The following UNC5D variants were observed in gnomAD, a reference collection of about 807,000 sequenced individuals.
UNC5D encodes the protein netrin receptor UNC5D.
A neutral mutation model predicts 105.4 loss-of-function variants in UNC5D; 39 were observed. That is an observed-to-expected ratio of 0.37 (90% CI 0.29 to 0.48). The LOEUF is 0.48. UNC5D is among the 20% of genes least tolerant of loss of function. The pLI is 0.98. For synonymous variants in UNC5D, 452 were observed against 450.4 expected (o/e 1.00, Z -0.04); for missense variants, 991 against 1,202.4 (o/e 0.82, Z 2.60).
intron 1 of UNC5D, among the ~76,000 whole-genome samples, chr8:35,522,163 A>T (rs1813531552): frequency 6.6e-6 from 1 of 152,092 alleles, no homozygotes; most frequent in Non-Finnish European, 1.5e-5. Flanking sequence ...TAACATTTAT[A>T]TTTTTTTATT....
At chr8:35,333,478 G>A (rs189298394) in intron 1 of UNC5D, among the ~76,000 whole-genome samples, 198 of 152,038 alleles carry the variant, frequency 1.3e-3, no homozygotes, top group Admixed American at 2.2e-3. Flanking sequence ...TAGGTTTCTC[G>A]GAAGTAGGAG....
intron 15 of UNC5D, among the ~76,000 whole-genome samples, chr8:35,769,952 C>G (rs2131723713): frequency 6.6e-6 from 1 of 152,120 alleles, no homozygotes; most frequent in African/African-American, 2.4e-5. Flanking sequence ...GACAGAGACT[C>G]TGTCTCAAAA....
chr8:35,430,380 T>G (rs1313363158), intron 1 of UNC5D, among the ~76,000 whole-genome samples: 1 of 152,166 alleles, frequency 6.6e-6, no homozygotes, highest in African/African-American at 2.4e-5. Context: ...CCTGTGCATC[T>G]GTTTATCTGT....
At chr8:35,601,664 T>C (rs1251284057) in intron 4 of UNC5D, among the ~76,000 whole-genome samples, 2 of 152,240 alleles carry the variant, frequency 1.3e-5, no homozygotes, top group Non-Finnish European at 2.9e-5. Context: ...CCTGAGACTT[T>C]GCTGAAGTTG....
At chr8:35,619,638 G>T (rs1450885628) in intron 4 of UNC5D, among the ~76,000 whole-genome samples, 2 of 152,202 alleles carry the variant, frequency 1.3e-5, no homozygotes, top group Admixed American at 6.5e-5. Flanking sequence ...TGGGCAGCTG[G>T]TCAGAAGTTA....
At chr8:35,607,774 T>G (rs1820403675) in intron 4 of UNC5D, among the ~76,000 whole-genome samples, 1 of 152,072 alleles carries the variant, frequency 6.6e-6, no homozygotes, top group African/African-American at 2.4e-5. Flanking sequence ...GTACCTTGCT[T>G]CCCCTTCTTC....
chr8:35,535,685 A>G (rs1223738310), intron 1 of UNC5D, among the ~76,000 whole-genome samples: 3 of 152,146 alleles, frequency 2.0e-5, no homozygotes, highest in Non-Finnish European at 4.4e-5. Flanking sequence ...GCCATTGTGT[A>G]GACTGGGCTC....
intron 1 of UNC5D, among the ~76,000 whole-genome samples, chr8:35,259,283 G>T (rs1804283839): frequency 6.6e-6 from 1 of 152,172 alleles, no homozygotes; most frequent in Admixed American, 6.5e-5. Flanking sequence ...GAGAGGAGGT[G>T]GTTGGCAGTG....
At chr8:35,484,906 A>G (rs2130024280) in intron 1 of UNC5D, among the ~76,000 whole-genome samples, 1 of 152,336 alleles carries the variant, frequency 6.6e-6, no homozygotes, top group Non-Finnish European at 1.5e-5. Flanking sequence ...TGATGTAACA[A>G]GCAGAGCCAA....
intron 9 of UNC5D, chr8:35,724,062 A>C (rs1036782607): frequency 4.0e-6 from 5 of 1,265,584 alleles, no homozygotes; most frequent in African/African-American, 1.5e-5. Flanking sequence ...CTCTTACCCT[A>C]GTACAGGATG....
In UNC5D at chr8:35,375,845, G is replaced by A. The variant is rs894885373; in HGVS notation, c.103+139958G>A. On this transcript the variant is annotated intron_variant, in intron 1 of 16. Transcript: ENST00000404895. Reference sequence around the variant, plus strand: ...TAATCCCTTTTGTGTTAGAGCCCAGGGCAGTGCTTGGAATCCCAAGTGCTG... The same window carrying A: ...TAATCCCTTTTGTGTTAGAGCCCAGAGCAGTGCTTGGAATCCCAAGTGCTG... 6.6e-5 allele frequency among the ~76,000 whole-genome samples: 10 copies of A among 152,178 alleles called. No individual in the cohort carries two copies. The East Asian group carries it at 1.9e-3, about 29-fold the overall frequency.
In UNC5D at chr8:35,556,389, A is replaced by G. The variant is rs147971689; in HGVS notation, c.322+6879A>G. On this transcript the variant is annotated intron_variant, in intron 2 of 16. Coordinates refer to ENST00000404895, the MANE Select transcript of UNC5D (RefSeq NM_080872.4). ...GTCATTCAGGTCGCATTGTGTGTCTATGTTACCCTCAGAGTCCATGGCAGT... is the reference window on the plus strand; with the variant it reads ...GTCATTCAGGTCGCATTGTGTGTCTGTGTTACCCTCAGAGTCCATGGCAGT... 3.5e-3 allele frequency among the ~76,000 whole-genome samples: 536 copies of G among 152,200 alleles called. 4 individuals carry two copies. The highest frequency in any genetic ancestry group is 0.012 in the African/African-American group (499 of 41,528).
intron 16 of UNC5D, among the ~76,000 whole-genome samples, chr8:35,780,966 C>T (rs555033400): frequency 3.9e-5 from 6 of 152,190 alleles, no homozygotes; most frequent in East Asian, 3.9e-4. Flanking sequence ...CTTTTATTTA[C>T]GTGTCAAGTT....
At chr8:35,241,717 T>G (rs1802819128) in intron 1 of UNC5D, among the ~76,000 whole-genome samples, 1 of 151,584 alleles carries the variant, frequency 6.6e-6, no homozygotes, top group African/African-American at 2.4e-5. Flanking sequence ...GCATAGTACA[T>G]GTACATAGTT....
chr8:35,500,746 A>G (rs1811911600), intron 1 of UNC5D, among the ~76,000 whole-genome samples: 1 of 152,238 alleles, frequency 6.6e-6, no homozygotes, highest in Non-Finnish European at 1.5e-5. Flanking sequence ...CGGCTGCGTG[A>G]TAAATGATTG....
intron 16 of UNC5D, among the ~76,000 whole-genome samples, chr8:35,778,575 AG>A (rs1162582793): frequency 6.6e-6 from 1 of 152,224 alleles, no homozygotes; most frequent in Non-Finnish European, 1.5e-5. Flanking sequence ...GATCACAAAA[AG>A]GTGATCACAG....
At chr8:35,487,565 G>GTA (rs1810903670) in intron 1 of UNC5D, among the ~76,000 whole-genome samples, 1 of 117,426 alleles carries the variant, frequency 8.5e-6, no homozygotes, top group Non-Finnish European at 1.7e-5. Flanking sequence ...CTCTCTCTCT[G>GTA]TACACACACA....
At chr8:35,768,463 A>G (rs1335000941) in intron 15 of UNC5D, among the ~76,000 whole-genome samples, 1 of 152,196 alleles carries the variant, frequency 6.6e-6, no homozygotes, top group East Asian at 1.9e-4. Flanking sequence ...CTTTAAAAAT[A>G]AAAACAAAAA....
At chr8:35,748,741 A>G (rs1249551667) in intron 12 of UNC5D, 46 bp downstream of exon 12, 2 of 1,588,814 alleles carry the variant, frequency 1.3e-6, no homozygotes, top group African/African-American at 2.7e-5. Context: ...TTTGGGTTCC[A>G]CCTATGGGAT....
Sources: gnomAD v4.1 joint callset for allele counts (sites outside exome capture counted in the v4.1 genomes callset) on GRCh38, gnomAD v4.1.1 for gene constraint, MANE v1.5 for transcripts, NCBI Gene and HGNC (gene_info 2026-07-23, HGNC 2026-07-21) for gene names.